TECTA: variants seen among roughly 807,000 people sequenced by gnomAD.
TECTA encodes alpha-tectorin.
In TECTA, 128 loss-of-function variants were observed where a neutral mutation model predicts 216.8. The observed-to-expected ratio is 0.59, with a 90% CI of 0.51 to 0.68. TECTA has a LOEUF of 0.68. Ranked by LOEUF, TECTA falls within the 30% of genes least tolerant of loss-of-function variation. The probability of loss-of-function intolerance (pLI) is 0.00; values close to 1 mark genes in which losing one functional copy is unlikely to be tolerated. For synonymous variants in TECTA, 1,089 were observed against 1,117.1 expected, an observed-to-expected ratio of 0.97 and a Z score of 0.50; for missense variants, 2,551 against 2,786.2, an observed-to-expected ratio of 0.92 and a Z score of 1.90.
chr11:121,137,868 G>A lies in TECTA; in HGVS notation c.3389G>A (p.Gly1130Glu), dbSNP rs780016400. ...TSCPLILCTTGSRPSSDSFPK... is the reference protein window; with the variant it reads ...TSCPLILCTTESRPSSDSFPK... Reference sequence around the variant, plus strand: ...TGCCCACTCATCCTGTGCACCACAGGAAGCAGGCCAAGCTCAGACTCTTTC... The same window carrying A: ...TGCCCACTCATCCTGTGCACCACAGAAAGCAGGCCAAGCTCAGACTCTTTC... Residue 1130 changes from glycine to glutamate, a missense_variant, in exon 11 of 24, where the codon GGA becomes GAA. Coordinates refer to ENST00000392793, the MANE Select transcript of TECTA (RefSeq NM_005422.4). 1 of 1,605,158 alleles carries A rather than the reference G, an allele frequency of 6.2e-7. No individual in the cohort carries two copies. The highest frequency in any genetic ancestry group is 8.5e-7 in the Non-Finnish European group (1 of 1,173,028).
At chr11:121,181,004 A>G (rs1391277042) in intron 20 of TECTA, among the ~76,000 whole-genome samples, 1 of 151,958 alleles carries the variant, frequency 6.6e-6, no homozygotes, top group Non-Finnish European at 1.5e-5. Flanking sequence ...TGTCTCTACT[A>G]AAAATACAAA....
chr11:121,104,160 A>T (rs1366818385), intron 2 of TECTA, among the ~76,000 whole-genome samples: 1 of 152,256 alleles, frequency 6.6e-6, no homozygotes, highest in Non-Finnish European at 1.5e-5. Context: ...GTTCCCCATG[A>T]AGGATAAATC....
In TECTA at chr11:121,179,253, A is replaced by T. The variant is rs572640593; in HGVS notation, c.6000-8579A>T. Among the ~76,000 whole-genome samples, 1,235 of 151,930 alleles carry T rather than the reference A, an allele frequency of 8.1e-3. 7 individuals are homozygous for T. The highest frequency in any genetic ancestry group is 0.045 in the Middle Eastern group (13 of 292). On this transcript the variant is annotated intron_variant, in intron 20 of 23. Coordinates refer to ENST00000392793, the MANE Select transcript of TECTA (RefSeq NM_005422.4). ...TTTCCATTTTCACTTGTTTTTAAAA[A>T]TTTTTTTTAAATCTCCTTCTTAATT... is the stretch of plus-strand genomic sequence containing the variant.
chr11:121,149,238 C>T (rs1350606857), intron 12 of TECTA, among the ~76,000 whole-genome samples: 1 of 152,220 alleles, frequency 6.6e-6, no homozygotes, highest in Middle Eastern at 3.2e-3. Flanking sequence ...GCAATGCTGC[C>T]TCTCTGAGCC....
At chr11:121,101,674 C>T (rs936714946) in intron 1 of TECTA, among the ~76,000 whole-genome samples, 18 of 152,190 alleles carry the variant, frequency 1.2e-4, no homozygotes, top group Admixed American at 1.2e-3. Flanking sequence ...ATAAAACTCT[C>T]ACAGGATAAA....
Position 121,137,650 on chromosome 11 carries a change from C to A in TECTA, c.3171C>A (p.Cys1057Ter), listed in dbSNP as rs1203403779. Residue 1057 changes from cysteine (C) to a stop codon, truncating the protein, a stop_gained, in exon 11 of 24, where the codon TGC becomes TGA. Transcript: ENST00000392793. LOFTEE classifies it high-confidence loss of function. ...TNETFWVDLD[C>*]QIFCYCSGTD... ...AGACCTTCTGGGTGGACCTGGACTG[C>A]CAGATCTTCTGCTATTGCAGTGGCA... is the stretch of plus-strand genomic sequence containing the variant. 6.2e-7 allele frequency: 1 copy of A among 1,614,022 alleles called. No individual in the cohort carries two copies.
chr11:121,136,453 C>A (rs1946728125), intron 10 of TECTA, among the ~76,000 whole-genome samples: 1 of 151,914 alleles, frequency 6.6e-6, no homozygotes, highest in Non-Finnish European at 1.5e-5. Flanking sequence ...CAGAGGGCAC[C>A]AGGAACAGAG....
chr11:121,153,937 T>A (rs1478684995), intron 13 of TECTA, among the ~76,000 whole-genome samples: 1 of 152,226 alleles, frequency 6.6e-6, no homozygotes, highest in Non-Finnish European at 1.5e-5. Flanking sequence ...CAACTACAGA[T>A]AATTGAGTAT....
chr11:121,145,758 T>C lies in TECTA; in HGVS notation c.3747T>C (p.Asp1249=). Residue 1249 remains aspartate, a synonymous_variant, in exon 12 of 24, where the codon GAT becomes GAC. Transcript: ENST00000392793. The part of the protein sequence containing the change: ...GLCGRYNGNP[D]DDLEMPMGLL... Reference sequence around the variant, plus strand: ...GTGGCCGCTACAACGGCAACCCTGATGATGACCTGGAGATGCCCATGGGTC... The same window carrying C: ...GTGGCCGCTACAACGGCAACCCTGACGATGACCTGGAGATGCCCATGGGTC... The C allele has an allele frequency of 6.2e-7, 1 of 1,614,220 alleles. No homozygotes were observed. The highest frequency in any genetic ancestry group is 1.3e-5 in the African/African-American group (1 of 75,066).
intron 10 of TECTA, among the ~76,000 whole-genome samples, chr11:121,135,539 C>A (rs576986356): frequency 6.6e-6 from 1 of 152,216 alleles, no homozygotes; most frequent in Non-Finnish European, 1.5e-5. Flanking sequence ...GCCTTCAACT[C>A]CAAAGCCGTG....
Position 121,168,793 on chromosome 11 carries a change from G to C in TECTA, c.5867G>C (p.Arg1956Pro). ...CAGGGTGAAGTAGTGTTGACGACTC[G>C]AGATGTGCTGTATGTAGGGGTTTTT... The part of the protein sequence containing the change: ...YRQGEVVLTT[R>P]DVLYVGVFVV... Residue 1956 changes from arginine to proline, a missense_variant, in exon 20 of 24, where the codon CGA becomes CCA. This residue lies in a region of TECTA where 2,375 missense variants were observed against 2,563.9 expected (regional missense o/e 0.93). Coordinates refer to ENST00000392793, the MANE Select transcript of TECTA (RefSeq NM_005422.4). 1 of 1,614,102 alleles carries C rather than the reference G, an allele frequency of 6.2e-7. No homozygotes were observed. The highest frequency in any genetic ancestry group is 2.2e-5 in the East Asian group (1 of 44,884).
chr11:121,168,348 T>A, intron 19 of TECTA, 131 bp downstream of exon 19: 1 of 1,269,904 alleles, frequency 7.9e-7, no homozygotes, highest in East Asian at 2.3e-5. Flanking sequence ...TGAGCCTAAA[T>A]GCTTTCAACC....
intron 20 of TECTA, among the ~76,000 whole-genome samples, chr11:121,184,997 C>A (rs1179012022): frequency 2.0e-5 from 3 of 152,156 alleles, no homozygotes; most frequent in African/African-American, 4.8e-5. Context: ...CAAATGCAAA[C>A]CCAGATTATA....
At chr11:121,101,802 G>A (rs186426475) in intron 1 of TECTA, among the ~76,000 whole-genome samples, 9 of 152,292 alleles carry the variant, frequency 5.9e-5, no homozygotes, top group East Asian at 1.9e-4. Flanking sequence ...CTAGCCACAC[G>A]CTTGGGTGAT....
chr11:121,145,364 A>T (rs1349070667), intron 11 of TECTA, among the ~76,000 whole-genome samples, 191 bp from the exon 12 acceptor site: 1 of 152,264 alleles, frequency 6.6e-6, no homozygotes, highest in Admixed American at 6.5e-5. Flanking sequence ...TGTACCAAGG[A>T]TAGTCATTTG....
At position 121,104,743 on chromosome 11, in the gene TECTA, C is replaced by T. The variant is rs562713810; in HGVS notation, c.65-1088C>T. 3.3e-5 allele frequency among the ~76,000 whole-genome samples: 5 copies of T among 152,002 alleles called. No individual in the cohort carries two copies. The East Asian group carries it at 9.7e-4, about 29-fold the overall frequency. Reference sequence around the variant, plus strand: ...CAGGGACTTTCCCAAGTAGAAGGCCCGACATGAGAATGGGGGTGTCGGCAT... The same window carrying T: ...CAGGGACTTTCCCAAGTAGAAGGCCTGACATGAGAATGGGGGTGTCGGCAT... On this transcript the variant is annotated intron_variant, in intron 2 of 23. Coordinates refer to ENST00000392793, the MANE Select transcript of TECTA (RefSeq NM_005422.4).
At chr11:121,173,712 T>G in intron 20 of TECTA, among the ~76,000 whole-genome samples, 3 of 150,908 alleles carry the variant, frequency 2.0e-5, no homozygotes, top group African/African-American at 7.4e-5. Context: ...AGTAGTTTTT[T>G]CCAATTCTGT....
intron 3 of TECTA, among the ~76,000 whole-genome samples, chr11:121,108,758 A>C (rs1328772778): frequency 6.7e-6 from 1 of 148,964 alleles, no homozygotes; most frequent in Non-Finnish European, 1.5e-5. Flanking sequence ...ACCCCAGTAC[A>C]CACACACACA....
intron 7 of TECTA, among the ~76,000 whole-genome samples, chr11:121,119,692 G>A (rs946045344): frequency 6.6e-6 from 1 of 152,186 alleles, no homozygotes; most frequent in Non-Finnish European, 1.5e-5. Context: ...CCAATGCAGG[G>A]ATTTATTTCT....
Sources: gnomAD v4.1 joint callset for allele counts (sites outside exome capture counted in the v4.1 genomes callset) on GRCh38, gnomAD v4.1.1 for gene constraint, gnomAD v4.1.1 regional missense constraint, MANE v1.5 for transcripts, NCBI Gene and HGNC (gene_info 2026-07-23, HGNC 2026-07-21) for gene names.